Variants in COL21A1 observed in about 807,000 individuals in gnomAD.
COL21A1 encodes the protein collagen alpha-1(XXI) chain.
A neutral mutation model predicts 137.9 loss-of-function variants in COL21A1; 149 were observed. The observed-to-expected ratio is 1.08, with a 90% confidence interval of 0.95 to 1.24. The LOEUF is 1.24. Among genes scored for constraint, COL21A1 ranks in the 50% most tolerant of loss-of-function variants. The probability of loss-of-function intolerance (pLI) is 0.00; values close to 1 mark genes in which losing one functional copy is unlikely to be tolerated. For synonymous variants in COL21A1, 456 were observed against 391.5 expected (o/e 1.16, Z -1.95); for missense variants, 1,167 against 1,158.4 (o/e 1.01, Z -0.11).
At chr6:56,249,817 T>C (rs148257905), upstream of COL21A1, among the ~76,000 whole-genome samples, 705 of 152,348 alleles carry the variant, frequency 4.6e-3, 8 homozygotes, top group African/African-American at 0.016. Context: ...CGATTTTGAA[T>C]ATACTAAAAA....
intron 1 of COL21A1, among the ~76,000 whole-genome samples, chr6:56,280,983 C>A (rs573992322): frequency 6.6e-6 from 1 of 152,020 alleles, no homozygotes; most frequent in South Asian, 2.1e-4. Flanking sequence ...CCAGCCTGGG[C>A]GACAGACAGA....
intron 17 of COL21A1, among the ~76,000 whole-genome samples, chr6:56,100,911 T>G (rs917517743): frequency 1.3e-4 from 20 of 152,154 alleles, no homozygotes; most frequent in African/African-American, 4.8e-4. Context: ...ATTTCAAATT[T>G]CTTGAGGGTA....
chr6:56,071,578 C>T (rs1308399025), intron 20 of COL21A1, among the ~76,000 whole-genome samples: 4 of 151,624 alleles, frequency 2.6e-5, no homozygotes, highest in African/African-American at 9.7e-5. Context: ...GTGAGGCAAA[C>T]CAATGCCATT....
chr6:56,175,394 C>T (rs1777384238), intron 3 of COL21A1, among the ~76,000 whole-genome samples: 1 of 151,876 alleles, frequency 6.6e-6, no homozygotes, highest in African/African-American at 2.4e-5. Flanking sequence ...AATGATTATA[C>T]ATAAAAGACT....
intron 17 of COL21A1, among the ~76,000 whole-genome samples, chr6:56,085,493 A>G (rs1216150221): frequency 6.6e-6 from 1 of 152,148 alleles, no homozygotes; most frequent in Non-Finnish European, 1.5e-5. Flanking sequence ...TTATTTAACC[A>G]GACAAATACA....
At chr6:56,223,076 T>C (rs1341965597) in intron 1 of COL21A1, among the ~76,000 whole-genome samples, 1 of 152,094 alleles carries the variant, frequency 6.6e-6, no homozygotes, top group Non-Finnish European at 1.5e-5. Context: ...TGGATAAGCT[T>C]TTATTGCTGT....
At chr6:56,248,236 C>T (rs1463405001), upstream of COL21A1, among the ~76,000 whole-genome samples, 1 of 152,166 alleles carries the variant, frequency 6.6e-6, no homozygotes, top group African/African-American at 2.4e-5. Flanking sequence ...TTTTCTCACC[C>T]GTGTGCACCC....
chr6:56,112,687 C>CT (rs779345756), intron 16 of COL21A1, among the ~76,000 whole-genome samples: 81 of 124,562 alleles, frequency 6.5e-4, no homozygotes, highest in Middle Eastern at 4.6e-3. Context: ...TTTCTTTTTT[C>CT]TTTTTTTTTT....
At chr6:56,347,140 T>A (rs574969065) in intron 1 of COL21A1, among the ~76,000 whole-genome samples, 52 of 152,288 alleles carry the variant, frequency 3.4e-4, no homozygotes, top group African/African-American at 1.2e-3. Context: ...TTCTGGTCCA[T>A]CTACTTAGTC....
At chr6:56,176,668 A>AGAAGGAGGGAGGGAAG (rs1777496033) in intron 3 of COL21A1, among the ~76,000 whole-genome samples, 2 of 148,692 alleles carry the variant, frequency 1.3e-5, no homozygotes, top group Non-Finnish European at 3.0e-5. Context: ...AGGAAGGAAG[A>AGAAGGAGGGAGGGAAG]GAAGGAGGGA....
At chr6:56,267,492 C>G (rs866807407) in intron 1 of COL21A1, among the ~76,000 whole-genome samples, 18 of 152,002 alleles carry the variant, frequency 1.2e-4, no homozygotes, top group African/African-American at 4.1e-4. Flanking sequence ...CACAGTGACT[C>G]ATGCCTGTAA....
At chr6:56,099,567 G>A (rs1770256521) in intron 17 of COL21A1, among the ~76,000 whole-genome samples, 1 of 151,832 alleles carries the variant, frequency 6.6e-6, no homozygotes. Flanking sequence ...AAGCTCTCAT[G>A]TCTATTATCT....
intron 1 of COL21A1, among the ~76,000 whole-genome samples, chr6:56,351,830 C>T (rs139023909): frequency 6.6e-6 from 1 of 152,262 alleles, no homozygotes; most frequent in Non-Finnish European, 1.5e-5. Context: ...TCAACATTCT[C>T]CAGATGATTT....
rs573838260 is a variant in COL21A1, at chr6:56,159,608, G to T, written c.1372-2659C>A. 3.3e-5 allele frequency among the ~76,000 whole-genome samples: 5 copies of T among 150,814 alleles called. No homozygotes were observed. The East Asian group carries it at 9.8e-4, about 29-fold the overall frequency. ...TGCCTCCCAAAGTGTTGGGATTACAGGTGTAAGCCACCATGCCTGGCCTTA... is the reference window on the plus strand; with the variant it reads ...TGCCTCCCAAAGTGTTGGGATTACATGTGTAAGCCACCATGCCTGGCCTTA... On this transcript the variant is annotated intron_variant, in intron 9 of 29. Transcript: ENST00000244728.
At chr6:56,211,244 T>TACATATAC (rs1309507812) in intron 1 of COL21A1, among the ~76,000 whole-genome samples, 1 of 143,894 alleles carries the variant, frequency 6.9e-6, no homozygotes, top group African/African-American at 2.6e-5. Flanking sequence ...TATGTATATG[T>TACATATAC]ATATATAATG....
At chr6:56,244,698 A>G (rs905002016) in intron 1 of COL21A1, among the ~76,000 whole-genome samples, 1 of 152,222 alleles carries the variant, frequency 6.6e-6, no homozygotes, top group African/African-American at 2.4e-5. Flanking sequence ...ATTGGTAATT[A>G]GCAGGTTACA....
At chr6:56,260,673 A>C (rs183887786) in intron 1 of COL21A1, among the ~76,000 whole-genome samples, 2 of 125,392 alleles carry the variant, frequency 1.6e-5, no homozygotes, top group Non-Finnish European at 3.3e-5. Context: ...GGAAGGAAGG[A>C]AGGAAGGAAG....
At chr6:56,356,515 C>T (rs557918605) in intron 1 of COL21A1, among the ~76,000 whole-genome samples, 1 of 152,244 alleles carries the variant, frequency 6.6e-6, no homozygotes, top group African/African-American at 2.4e-5. Flanking sequence ...TGAAATGTGG[C>T]CAACATAAAA....
intron 1 of COL21A1, among the ~76,000 whole-genome samples, chr6:56,325,319 A>AT (rs1764990044): frequency 0.013 from 12 of 890 alleles, 5 homozygotes; most frequent in Non-Finnish European, 0.1. Flanking sequence ...TATATATTAT[A>AT]TATTATATAT....
Sources: allele counts gnomAD v4.1 joint callset (sites outside exome capture counted in the v4.1 genomes callset), GRCh38; gene constraint gnomAD v4.1.1; transcripts MANE v1.5; gene names NCBI Gene and HGNC (gene_info 2026-07-23, HGNC 2026-07-21).